The following BRINP3 variants were observed in gnomAD, a reference collection of about 807,000 sequenced individuals.
BRINP3 encodes BMP/retinoic acid-inducible neural-specific protein 3.
BRINP3 carries 19 observed loss-of-function variants against 71.0 expected under a neutral mutation model. The observed-to-expected ratio is 0.27, with a 90% CI of 0.19 to 0.39. BRINP3 has a LOEUF of 0.39. Among genes scored for constraint, BRINP3 ranks in the 10% least tolerant of loss-of-function variants. The pLI, the probability that BRINP3 is intolerant of heterozygous loss-of-function variation, is 1.00. For synonymous variants in BRINP3, 380 were observed against 337.7 expected (o/e 1.13, Z -1.37); for missense variants, 959 against 940.8 (o/e 1.02, Z -0.25).
chr1:190,239,932 T>C (rs543713550), intron 4 of BRINP3, among the ~76,000 whole-genome samples: 170 of 151,962 alleles, frequency 1.1e-3, no homozygotes, highest in African/African-American at 3.1e-3. Context: ...ATTACTAATA[T>C]GAGTTTATTT....
intron 2 of BRINP3, among the ~76,000 whole-genome samples, chr1:190,433,026 T>C (rs1674205195): frequency 1.3e-5 from 2 of 152,162 alleles, no homozygotes; most frequent in Admixed American, 6.6e-5. Flanking sequence ...AAAAAATCTA[T>C]TTTAGAATAC....
intron 2 of BRINP3, among the ~76,000 whole-genome samples, chr1:190,392,150 T>C (rs1250519320): frequency 1.3e-5 from 2 of 151,612 alleles, no homozygotes; most frequent in South Asian, 2.1e-4. Context: ...CCTTTAAAAA[T>C]AGGCTTTAAA....
intron 6 of BRINP3, among the ~76,000 whole-genome samples, chr1:190,165,844 G>T (rs1651485595): frequency 6.6e-6 from 1 of 152,106 alleles, no homozygotes; most frequent in South Asian, 2.1e-4. Flanking sequence ...TTGAGACAGA[G>T]AAATTCCAGA....
At chr1:190,397,651 T>C (rs1424363420) in intron 2 of BRINP3, among the ~76,000 whole-genome samples, 2 of 152,044 alleles carry the variant, frequency 1.3e-5, no homozygotes, top group Non-Finnish European at 2.9e-5. Context: ...AATTTAGATA[T>C]CACCTGTCTT....
chr1:190,294,455 T>C (rs966008457), intron 2 of BRINP3, among the ~76,000 whole-genome samples: 4 of 151,930 alleles, frequency 2.6e-5, no homozygotes, highest in Non-Finnish European at 5.9e-5. Flanking sequence ...TCTCACTTTG[T>C]TGCCCATGCT....
In BRINP3 at chr1:190,401,438, G is replaced by C. The variant is rs145692073; in HGVS notation, c.236+53217C>G. Among the ~76,000 whole-genome samples, 550 of 149,626 alleles carry C rather than the reference G, an allele frequency of 3.7e-3. 1 individual carries two copies. The highest frequency in any genetic ancestry group is 0.013 in the African/African-American group (532 of 40,838). On this transcript the variant is annotated intron_variant, in intron 2 of 7. Transcript: ENST00000367462. ...ACAATCAAAAAGCTAGGGTTTCATT[G>C]TGTTTTGAAGCATGCCCAAACTTCA...
At chr1:190,155,837 C>T (rs1356108057) in intron 7 of BRINP3, among the ~76,000 whole-genome samples, 1 of 152,008 alleles carries the variant, frequency 6.6e-6, no homozygotes, top group Admixed American at 6.6e-5. Context: ...TTCCCCTTTG[C>T]CTTATTCCAT....
At chr1:190,133,499 G>T (rs1654714420) in intron 7 of BRINP3, among the ~76,000 whole-genome samples, 1 of 151,792 alleles carries the variant, frequency 6.6e-6, no homozygotes, top group Admixed American at 6.6e-5. Context: ...TAGATAATTT[G>T]GAATCACATC....
chr1:190,473,999 A>G (rs1201018999), intron 1 of BRINP3, among the ~76,000 whole-genome samples: 2 of 152,040 alleles, frequency 1.3e-5, no homozygotes, highest in African/African-American at 2.4e-5. Context: ...AGTTCAAGAA[A>G]CCCTTAATAG....
chr1:190,118,131 T>TAA (rs1553243265), intron 7 of BRINP3, among the ~76,000 whole-genome samples: 1 of 150,134 alleles, frequency 6.7e-6, no homozygotes, highest in Non-Finnish European at 1.5e-5. Flanking sequence ...TCCCAAATCA[T>TAA]ACACACACAC....
chr1:190,349,066 T>C (rs1194543437), intron 2 of BRINP3, among the ~76,000 whole-genome samples: 2 of 152,126 alleles, frequency 1.3e-5, no homozygotes, highest in African/African-American at 2.4e-5. Flanking sequence ...GATGAGATGG[T>C]ATGTTGATCG....
At chr1:190,129,031 A>G (rs12093824) in intron 7 of BRINP3, among the ~76,000 whole-genome samples, 8,363 of 151,854 alleles carry the variant, frequency 0.055, 794 homozygotes, top group African/African-American at 0.19. Context: ...AAAGTCTACC[A>G]TGTATATACA....
chr1:190,453,312 C>G (rs547135787), intron 2 of BRINP3, among the ~76,000 whole-genome samples: 156 of 145,580 alleles, frequency 1.1e-3, no homozygotes, highest in Middle Eastern at 3.8e-3. Context: ...GCTCCACCTC[C>G]CGAGTTCAAG....
chr1:190,275,732 C>T (rs1176649734), intron 3 of BRINP3, among the ~76,000 whole-genome samples: 2 of 151,580 alleles, frequency 1.3e-5, no homozygotes, highest in Non-Finnish European at 3.0e-5. Flanking sequence ...TGTTCTAGAA[C>T]TTAACATTTA....
At chr1:190,340,359 T>A (rs1473044353) in intron 2 of BRINP3, among the ~76,000 whole-genome samples, 2 of 151,874 alleles carry the variant, frequency 1.3e-5, no homozygotes, top group African/African-American at 4.8e-5. Context: ...ATATTTTCCA[T>A]CTCATAATCA....
chr1:190,139,626 G>T (rs996272940), intron 7 of BRINP3, among the ~76,000 whole-genome samples: 3 of 152,126 alleles, frequency 2.0e-5, no homozygotes, highest in Admixed American at 1.3e-4. Context: ...AAGGTGGGCA[G>T]GGAGGCTTGA....
rs112408780 is a variant in BRINP3, at chr1:190,332,741, C to T, written c.237-50991G>A. Among the ~76,000 whole-genome samples the T allele has an allele frequency of 5.1e-3, 773 of 152,030 alleles. 7 individuals carry two copies. The highest frequency in any genetic ancestry group is 0.017 in the African/African-American group (724 of 41,502). On this transcript the variant is annotated intron_variant, in intron 2 of 7. Transcript: ENST00000367462. ...GTTTGCACTGTGATTTAGAGTACTA[C>T]GATTTCTCCAAGGGCAGTTGTTAAG...
intron 7 of BRINP3, among the ~76,000 whole-genome samples, chr1:190,146,454 A>T (rs1655895662): frequency 6.6e-6 from 1 of 152,118 alleles, no homozygotes; most frequent in Non-Finnish European, 1.5e-5. Flanking sequence ...ATACTATTTC[A>T]ATTACTGTAT....
At chr1:190,390,332 T>G (rs1671173987) in intron 2 of BRINP3, among the ~76,000 whole-genome samples, 1 of 151,746 alleles carries the variant, frequency 6.6e-6, no homozygotes, top group Non-Finnish European at 1.5e-5. Flanking sequence ...TTAAAAATTA[T>G]GAAGCAATTA....
Sources: allele counts gnomAD v4.1 joint callset (sites outside exome capture counted in the v4.1 genomes callset), GRCh38; gene constraint gnomAD v4.1.1; transcripts MANE v1.5; gene names NCBI Gene and HGNC (gene_info 2026-07-23, HGNC 2026-07-21).